The following PIK3C3 variants were observed in gnomAD, a reference collection of about 807,000 sequenced individuals.
PIK3C3 encodes PI3-kinase type 3.
Under a neutral mutation model 126.1 loss-of-function variants are expected in PIK3C3, and 95 were observed. The observed-to-expected ratio is 0.75, with a 90% CI of 0.64 to 0.89. PIK3C3 has a LOEUF of 0.89. PIK3C3 is among the 40% of genes least tolerant of loss of function. The probability of loss-of-function intolerance (pLI) is 0.00; values close to 1 mark genes in which losing one functional copy is unlikely to be tolerated. For synonymous variants in PIK3C3, 374 were observed against 360.0 expected (o/e 1.04, Z -0.44); for missense variants, 829 against 1,063.2 (o/e 0.78, Z 3.06).
chr18:41,967,852 G>A (rs906047649), intron 3 of PIK3C3, among the ~76,000 whole-genome samples: 7 of 152,178 alleles, frequency 4.6e-5, no homozygotes, highest in African/African-American at 1.7e-4. Context: ...GCTTGGCACT[G>A]CAAGCTGGAA....
At chr18:41,993,938 C>T (rs1448474500) in intron 7 of PIK3C3, among the ~76,000 whole-genome samples, 1 of 152,098 alleles carries the variant, frequency 6.6e-6, no homozygotes, top group Non-Finnish European at 1.5e-5. Flanking sequence ...TTTAGAATTA[C>T]AAACTTGTAG....
intron 12 of PIK3C3, among the ~76,000 whole-genome samples, chr18:42,019,646 A>G (rs912709904): frequency 5.3e-5 from 8 of 151,956 alleles, no homozygotes; most frequent in African/African-American, 1.9e-4. Flanking sequence ...GTCCTCTTCT[A>G]GTCTCACTTG....
rs1981718698 is a variant in PIK3C3 at position 41,990,443 on chromosome 18, T to G, written c.619-16T>G. 7.2e-7 allele frequency: 1 copy of G among 1,395,948 alleles called. No individual in the cohort carries two copies. Among genetic ancestry groups the G allele is most frequent in the African/African-American group, 1.4e-5 (1 of 70,424 alleles). 86.5% of individuals were successfully genotyped at this position (1,395,948 alleles called of 1,614,324 possible). On this transcript the variant is annotated splice_polypyrimidine_tract_variant and intron_variant, in intron 5 of 24. Coordinates refer to ENST00000262039, the MANE Select transcript of PIK3C3 (RefSeq NM_002647.4). Reference sequence around the variant, plus strand: ...TGAAAATAATCATTTTTCATGAAAATCATTTTTTTTTTCAGAGTGAAAAAC... The same window carrying G: ...TGAAAATAATCATTTTTCATGAAAAGCATTTTTTTTTTCAGAGTGAAAAAC...
intron 21 of PIK3C3, among the ~76,000 whole-genome samples, chr18:42,056,472 G>A (rs1985070331): frequency 6.6e-6 from 1 of 152,096 alleles, no homozygotes; most frequent in Non-Finnish European, 1.5e-5. Context: ...CATGCATGAT[G>A]GCAGTTTTGT....
rs1334652162 is a variant in PIK3C3 at position 42,085,214 on chromosome 18, T to C, written c.*4077T>C. 1 of 152,204 alleles carries C rather than the reference T, an allele frequency of 6.6e-6. No individual in the cohort carries two copies. Among genetic ancestry groups the C allele is most frequent in the Non-Finnish European group, 1.5e-5 (1 of 68,042 alleles). The allele number at this position is 152,204 out of a possible 1,614,324, so 9.4% of individuals were successfully genotyped here. The stretch of plus-strand genomic sequence containing the variant: ...CATTTTGTTCAGTGCTATGGGCTGG[T>C]ACATTGCATTTCAACACTAGTTTTT... On this transcript the variant is annotated 3_prime_UTR_variant, in exon 25 of 25. Coordinates refer to ENST00000262039, the MANE Select transcript of PIK3C3 (RefSeq NM_002647.4).
intron 24 of PIK3C3, among the ~76,000 whole-genome samples, chr18:42,076,159 T>TGCGC (rs1598961979): frequency 8.6e-6 from 1 of 116,334 alleles, no homozygotes; most frequent in African/African-American, 3.8e-5. Flanking sequence ...TATATATATA[T>TGCGC]ATGCACATAT....
At chr18:41,990,407 TAA>T in intron 5 of PIK3C3, 50 bp from the exon 6 acceptor site, 1 of 1,039,224 alleles carries the variant, frequency 9.6e-7, no homozygotes, top group Non-Finnish European at 1.5e-6. Flanking sequence ...ACTGATCCTT[TAA>T]GAGAATGTTG....
At chr18:42,000,665 A>C in intron 9 of PIK3C3, among the ~76,000 whole-genome samples, 1 of 152,140 alleles carries the variant, frequency 6.6e-6, no homozygotes, top group Non-Finnish European at 1.5e-5. Flanking sequence ...TGGACTTACA[A>C]TTTCATGTGA....
chr18:41,988,100 T>C (rs2144348430), intron 5 of PIK3C3, among the ~76,000 whole-genome samples: 1 of 152,084 alleles, frequency 6.6e-6, no homozygotes, highest in East Asian at 1.9e-4. Context: ...AACTATGAAG[T>C]AGGTAGTGGA....
chr18:41,965,462 T>A (rs1441902637), intron 3 of PIK3C3, among the ~76,000 whole-genome samples: 7 of 152,180 alleles, frequency 4.6e-5, no homozygotes, highest in South Asian at 2.1e-4. Flanking sequence ...CACGTTTTTT[T>A]AAAAAGTACT....
At chr18:42,046,243 G>T (rs915440694) in intron 20 of PIK3C3, among the ~76,000 whole-genome samples, 1 of 152,012 alleles carries the variant, frequency 6.6e-6, no homozygotes, top group Non-Finnish European at 1.5e-5. Flanking sequence ...TCTGTTTTCT[G>T]TATGGCTTCC....
At chr18:42,058,142 C>A in intron 22 of PIK3C3, 91 bp downstream of exon 22, 1 of 1,015,058 alleles carries the variant, frequency 9.9e-7, no homozygotes. Context: ...CATTCTTTAG[C>A]ATTGATCACT....
Position 42,084,207 on chromosome 18 carries a change from A to G in PIK3C3, c.*3070A>G, listed in dbSNP as rs1020407549. On this transcript the variant is annotated 3_prime_UTR_variant, in exon 25 of 25. Coordinates refer to ENST00000262039, the MANE Select transcript of PIK3C3 (RefSeq NM_002647.4). ...ATATACCTTAAGTATATTTTTGCAC[A>G]TAAGTATAACATTGCGATTTAAAAC... 2.0e-5 allele frequency: 3 copies of G among 151,694 alleles called. No homozygotes were observed. The highest frequency in any genetic ancestry group is 7.3e-5 in the African/African-American group (3 of 40,988). The allele number at this position is 151,694 out of a possible 1,614,324, so 9.4% of individuals were successfully genotyped here.
intron 21 of PIK3C3, among the ~76,000 whole-genome samples, chr18:42,055,364 G>A (rs1263630758): frequency 6.6e-6 from 1 of 152,098 alleles, no homozygotes; most frequent in Non-Finnish European, 1.5e-5. Context: ...TGCTAACCAA[G>A]TATATTGTAA....
chr18:41,963,033 G>A (rs1980176206), intron 3 of PIK3C3, among the ~76,000 whole-genome samples: 1 of 152,004 alleles, frequency 6.6e-6, no homozygotes, highest in Non-Finnish European at 1.5e-5. Context: ...GGTAATGATT[G>A]TGATAGAAAA....
Position 41,990,483 on chromosome 18 carries a change from A to G in PIK3C3, c.643A>G (p.Met215Val), listed in dbSNP as rs1377711737. The change falls in exon 6 of 25, where the codon ATG becomes GTG. Residue 215 changes from methionine (M) to valine (V), a missense_variant. By Grantham distance (21) the Met-to-Val change is conservative. This residue lies in a region of PIK3C3 where 313 missense variants were observed against 340.7 expected (regional missense o/e 0.92). Transcript: ENST00000262039. ...GAGTGAAAAACGAAGTTCTAATTTCATGTACCTGATGGTTGAATTTCGATG... is the reference window on the plus strand; with the variant it reads ...GAGTGAAAAACGAAGTTCTAATTTCGTGTACCTGATGGTTGAATTTCGATG... ...NESEKRSSNF[M>V]YLMVEFRCVK... 4 of 1,596,730 alleles carry G rather than the reference A, an allele frequency of 2.5e-6. No homozygotes were observed. Among genetic ancestry groups the G allele is most frequent in the Non-Finnish European group, 3.4e-6 (4 of 1,165,240 alleles).
intron 24 of PIK3C3, among the ~76,000 whole-genome samples, chr18:42,076,389 A>G (rs614911): frequency 6.6e-6 from 1 of 151,882 alleles, no homozygotes; most frequent in African/African-American, 2.4e-5. Context: ...CCCATCAAAG[A>G]AAAAAACGTT....
chr18:42,010,712 A>G (rs1320820530), intron 10 of PIK3C3, among the ~76,000 whole-genome samples: 1 of 152,128 alleles, frequency 6.6e-6, no homozygotes, highest in Non-Finnish European at 1.5e-5. Context: ...AACTCCTGTT[A>G]ATCTTGCTAT....
intron 24 of PIK3C3, among the ~76,000 whole-genome samples, chr18:42,068,447 T>C (rs1274941484): frequency 6.6e-6 from 1 of 152,240 alleles, no homozygotes; most frequent in African/African-American, 2.4e-5. Context: ...ATCAATCTTC[T>C]TAATAATGTA....
Sources: allele counts gnomAD v4.1 joint callset (sites outside exome capture counted in the v4.1 genomes callset), GRCh38; gene constraint gnomAD v4.1.1; regional missense constraint gnomAD v4.1.1; transcripts MANE v1.5; gene names NCBI Gene and HGNC (gene_info 2026-07-23, HGNC 2026-07-21).